CLASP1: variants seen among roughly 807,000 people sequenced by gnomAD.
CLASP1 encodes CLIP-associating protein 1.
Under a neutral mutation model 192.3 loss-of-function variants are expected in CLASP1, and 38 were observed. The ratio of observed to expected loss-of-function variants is 0.20; its 90% CI spans 0.15 to 0.26. The LOEUF (loss-of-function observed/expected upper bound fraction) is 0.26. Among genes scored for constraint, CLASP1 ranks in the 10% least tolerant of loss-of-function variants. CLASP1 has a pLI of 1.00. For synonymous variants in CLASP1, 691 were observed against 712.8 expected (o/e 0.97, Z 0.49); for missense variants, 1,433 against 1,932.5 (o/e 0.74, Z 4.85).
At chr2:121,424,259 G>C (rs2080021658) in intron 22 of CLASP1, among the ~76,000 whole-genome samples, 1 of 152,142 alleles carries the variant, frequency 6.6e-6, no homozygotes, top group Admixed American at 6.6e-5. Flanking sequence ...CAAGCTTTTT[G>C]AAGTCAGAAT....
intron 6 of CLASP1, among the ~76,000 whole-genome samples, chr2:121,516,144 T>C (rs2094285973): frequency 6.6e-6 from 1 of 152,162 alleles, no homozygotes; most frequent in Admixed American, 6.5e-5. Flanking sequence ...TGGATTTAAG[T>C]CAATTAAACA....
At chr2:121,376,921 T>C (rs1334487561) in intron 34 of CLASP1, among the ~76,000 whole-genome samples, 2 of 152,218 alleles carry the variant, frequency 1.3e-5, no homozygotes, top group Non-Finnish European at 1.5e-5. Context: ...GGCCAACTAG[T>C]TGCAGGAAAA....
At chr2:121,630,025 A>C (rs1459892404) in intron 1 of CLASP1, among the ~76,000 whole-genome samples, 2 of 151,762 alleles carry the variant, frequency 1.3e-5, no homozygotes, top group African/African-American at 4.8e-5. Flanking sequence ...GGTTCAAGCT[A>C]TTCTCCTGCC....
intron 19 of CLASP1, chr2:121,445,539 T>C (rs1318887778): frequency 8.7e-6 from 10 of 1,152,254 alleles, no homozygotes; most frequent in Non-Finnish European, 1.0e-5. Flanking sequence ...TGCTACACTT[T>C]TGCAAAGATG....
intron 39 of CLASP1, among the ~76,000 whole-genome samples, chr2:121,345,983 G>C (rs1251246862): frequency 6.6e-6 from 1 of 152,200 alleles, no homozygotes; most frequent in East Asian, 1.9e-4. Context: ...GAGAAACTCT[G>C]CTCTGAACAC....
chr2:121,535,423 C>A (rs1575769451), intron 2 of CLASP1, among the ~76,000 whole-genome samples: 1 of 152,084 alleles, frequency 6.6e-6, no homozygotes, highest in Non-Finnish European at 1.5e-5. Flanking sequence ...AAATTAAATA[C>A]TCAATGCATG....
chr2:121,570,125 C>G (rs370367885), intron 2 of CLASP1, among the ~76,000 whole-genome samples: 19 of 152,218 alleles, frequency 1.2e-4, no homozygotes, highest in East Asian at 7.7e-4. Flanking sequence ...AATATGCACT[C>G]ACTTCTTTCC....
At chr2:121,543,496 A>G (rs1383297555) in intron 2 of CLASP1, among the ~76,000 whole-genome samples, 2 of 152,058 alleles carry the variant, frequency 1.3e-5, no homozygotes, top group African/African-American at 4.8e-5. Flanking sequence ...AGTTTCCCAT[A>G]TGGACTTTCA....
chr2:121,629,256 G>A (rs1314153268), intron 1 of CLASP1, among the ~76,000 whole-genome samples: 1 of 152,052 alleles, frequency 6.6e-6, no homozygotes, highest in Non-Finnish European at 1.5e-5. Flanking sequence ...CTGGCATGGT[G>A]GCAGGCACCT....
At chr2:121,389,061 T>G (rs2073865866) in intron 30 of CLASP1, among the ~76,000 whole-genome samples, 1 of 152,226 alleles carries the variant, frequency 6.6e-6, no homozygotes, top group African/African-American at 2.4e-5. Context: ...GTGCCTGGAG[T>G]AGGAAAAGAA....
intron 2 of CLASP1, among the ~76,000 whole-genome samples, chr2:121,586,453 T>G (rs545585538): frequency 6.6e-6 from 1 of 152,224 alleles, no homozygotes; most frequent in South Asian, 2.1e-4. Flanking sequence ...AAAGAAAAAT[T>G]TTAAATCCTA....
chr2:121,514,357 T>C (rs186377221), intron 7 of CLASP1, among the ~76,000 whole-genome samples: 152 of 152,292 alleles, frequency 1.0e-3, no homozygotes, highest in Non-Finnish European at 1.8e-3. Context: ...AACAGTCCCT[T>C]CCCTTGATAT....
chr2:121,631,146 G>C (rs1279324874), intron 1 of CLASP1, among the ~76,000 whole-genome samples: 3 of 85,890 alleles, frequency 3.5e-5, no homozygotes. Context: ...GTGACAAAGC[G>C]AGACTCCAGC....
intron 8 of CLASP1, among the ~76,000 whole-genome samples, chr2:121,487,515 T>G (rs913390054): frequency 6.6e-6 from 1 of 152,224 alleles, no homozygotes; most frequent in Non-Finnish European, 1.5e-5. Context: ...ACATTACATT[T>G]AGTTATCCTG....
chr2:121,611,774 A>T (rs1200712913), intron 1 of CLASP1, among the ~76,000 whole-genome samples: 8 of 146,106 alleles, frequency 5.5e-5, no homozygotes, highest in Non-Finnish European at 9.0e-5. Context: ...GAGGAGGAGG[A>T]GTTACAGGAG....
At chr2:121,517,724 T>A (rs1427247628) in intron 6 of CLASP1, among the ~76,000 whole-genome samples, 1 of 151,822 alleles carries the variant, frequency 6.6e-6, no homozygotes, top group Non-Finnish European at 1.5e-5. Flanking sequence ...CTGGGCCAGT[T>A]GGTACTCAGC....
intron 7 of CLASP1, among the ~76,000 whole-genome samples, chr2:121,513,432 A>AT (rs1245331403): frequency 4.4e-4 from 65 of 147,136 alleles, no homozygotes; most frequent in South Asian, 6.5e-4. Flanking sequence ...TTTTTATTTT[A>AT]TTTTTTTTTT....
chr2:121,538,976 T>C (rs2095165374), intron 2 of CLASP1, among the ~76,000 whole-genome samples: 1 of 152,048 alleles, frequency 6.6e-6, no homozygotes, highest in Non-Finnish European at 1.5e-5. Flanking sequence ...AAAATAAATA[T>C]CTGCCCAAAA....
intron 37 of CLASP1, among the ~76,000 whole-genome samples, chr2:121,358,002 C>T (rs1442853118): frequency 3.3e-5 from 5 of 152,194 alleles, no homozygotes; most frequent in South Asian, 2.1e-4. Context: ...TTGAACCACA[C>T]GACTCTGCTT....
Sources: allele counts gnomAD v4.1 joint callset (sites outside exome capture counted in the v4.1 genomes callset), GRCh38; gene constraint gnomAD v4.1.1; transcripts MANE v1.5; gene names NCBI Gene and HGNC (gene_info 2026-07-23, HGNC 2026-07-21).